PRKCH: variants seen among roughly 807,000 people sequenced by gnomAD.
PRKCH encodes the protein protein kinase C eta, also known as protein kinase C eta type.
Under a neutral mutation model 82.5 loss-of-function variants are expected in PRKCH, and 28 were observed. That is an observed-to-expected ratio of 0.34 (90% CI 0.25 to 0.47). The LOEUF is 0.47. Ranked by LOEUF, PRKCH falls within the 20% of genes least tolerant of loss-of-function variation. The pLI is 1.00. For missense variants in PRKCH, 705 were observed against 881.8 expected, an observed-to-expected ratio of 0.80 and a Z score of 2.54; for synonymous variants, 322 against 327.4, an observed-to-expected ratio of 0.98 and a Z score of 0.18.
At chr14:61,528,183 A>ACACACACACAG (rs1566929563) in intron 10 of PRKCH, 1 of 38,604 alleles carries the variant, frequency 2.6e-5, no homozygotes, top group Non-Finnish European at 7.8e-5. Flanking sequence ...CACACACACA[A>ACACACACACAG]AGTATTTCTT....
intron 1 of PRKCH, among the ~76,000 whole-genome samples, chr14:61,381,259 G>T (rs940086917): frequency 6.6e-6 from 1 of 152,132 alleles, no homozygotes; most frequent in African/African-American, 2.4e-5. Flanking sequence ...CCTCACATAG[G>T]ATCCGGATTG....
chr14:61,428,080 C>G (rs12888209), intron 2 of PRKCH, among the ~76,000 whole-genome samples: 3 of 53,898 alleles, frequency 5.6e-5, no homozygotes, highest in Non-Finnish European at 1.2e-4. Context: ...GATAGATACA[C>G]ACACACACAC....
At chr14:61,283,970 T>G (rs1305915817) in intron 1 of PRKCH, among the ~76,000 whole-genome samples, 1 of 152,184 alleles carries the variant, frequency 6.6e-6, no homozygotes, top group African/African-American at 2.4e-5. Context: ...AAAGGCTTCT[T>G]TTTTAGATGT....
At chr14:61,287,078 C>T (rs1245438653) in intron 1 of PRKCH, among the ~76,000 whole-genome samples, 2 of 150,798 alleles carry the variant, frequency 1.3e-5, no homozygotes, top group Non-Finnish European at 3.0e-5. Flanking sequence ...TGGTGGCATG[C>T]ACCTGTGATC....
intron 2 of PRKCH, among the ~76,000 whole-genome samples, chr14:61,424,737 T>C (rs546237968): frequency 6.6e-6 from 1 of 152,136 alleles, no homozygotes; most frequent in South Asian, 2.1e-4. Flanking sequence ...ACCAAGACAA[T>C]GGGGAAAATG....
intron 11 of PRKCH, 35 bp downstream of exon 11, chr14:61,529,248 GAGCTCTCC>G: frequency 6.3e-7 from 1 of 1,579,744 alleles, no homozygotes; most frequent in Middle Eastern, 1.7e-4. Context: ...TCTGAAATCT[GAGCTCTCC>G]AGTAACTCTG....
intron 9 of PRKCH, among the ~76,000 whole-genome samples, chr14:61,472,097 G>A (rs1391475751): frequency 2.6e-5 from 4 of 152,174 alleles, no homozygotes; most frequent in Non-Finnish European, 4.4e-5. Context: ...GGGAGACAGC[G>A]GAAGCGTGCA....
At chr14:61,424,792 C>T (rs957684328) in intron 2 of PRKCH, among the ~76,000 whole-genome samples, 3 of 152,248 alleles carry the variant, frequency 2.0e-5, no homozygotes, top group African/African-American at 7.2e-5. Context: ...CCTCCCATTA[C>T]AGGCCCCGAG....
chr14:61,434,686 A>G (rs1430315627), intron 2 of PRKCH, among the ~76,000 whole-genome samples: 3 of 152,140 alleles, frequency 2.0e-5, no homozygotes, highest in Non-Finnish European at 4.4e-5. Flanking sequence ...ACTATTGTAA[A>G]CATTTTCTAC....
At chr14:61,530,893 T>C (rs78651695) in intron 12 of PRKCH, among the ~76,000 whole-genome samples, 1,644 of 152,334 alleles carry the variant, frequency 0.011, 31 homozygotes, top group African/African-American at 0.038. Flanking sequence ...GGGCAGGTGA[T>C]GTTTCCCCTT....
rs79607151 is a variant in PRKCH at position 61,535,455 on chromosome 14, A to T, written c.1761+4860A>T. 2.5e-3 allele frequency among the ~76,000 whole-genome samples: 378 copies of T among 152,374 alleles called. 1 individual carries two copies. Among genetic ancestry groups the T allele is most frequent in the Non-Finnish European group, 4.6e-3 (310 of 68,036 alleles). ...GGCCATCTGGAGGAGATGACATTTA[A>T]TAAAGGCTGAAGAGAAATGAGGCTT... On this transcript the variant is annotated intron_variant, in intron 12 of 13. Coordinates refer to ENST00000332981, the MANE Select transcript of PRKCH (RefSeq NM_006255.5).
At chr14:61,285,895 ATCTTC>A (rs1284485646) in intron 1 of PRKCH, among the ~76,000 whole-genome samples, 1 of 152,214 alleles carries the variant, frequency 6.6e-6, no homozygotes, top group Admixed American at 6.5e-5. Context: ...ATTGTTGCAG[ATCTTC>A]TCTTAACACC....
At position 61,321,942 on chromosome 14, in the gene PRKCH, G is replaced by T; in HGVS notation, c.-160G>T. On this transcript the variant is annotated 5_prime_UTR_variant, in exon 1 of 14. Transcript: ENST00000332981. The surrounding 1 kb of genome is among the most constrained non-coding windows in gnomAD (Gnocchi z 4.1). ...GAAGGAGGGGAGGGAAAAGTCCCACGGAGGAGGCAGAATGGCCAGTCGAGG... is the reference window on the plus strand; with the variant it reads ...GAAGGAGGGGAGGGAAAAGTCCCACTGAGGAGGCAGAATGGCCAGTCGAGG... The T allele has an allele frequency of 1.4e-6, 1 of 701,352 alleles. No individual in the cohort carries two copies. The highest frequency in any genetic ancestry group is 2.3e-6 in the Non-Finnish European group (1 of 439,812). 43.4% of individuals were successfully genotyped at this position (701,352 alleles called of 1,614,324 possible). A position where few individuals can be genotyped will look rare whatever the true frequency, so the allele number is the denominator to read the frequency against.
intron 2 of PRKCH, among the ~76,000 whole-genome samples, chr14:61,425,791 T>G (rs558913500): frequency 6.6e-6 from 1 of 152,366 alleles, no homozygotes; most frequent in East Asian, 1.9e-4. Flanking sequence ...AAACCTCATC[T>G]TGAATTCTAA....
chr14:61,433,043 C>CAAAAAAAAA lies in PRKCH; in HGVS notation c.428-10058_428-10050dup, dbSNP rs34477992. On this transcript the variant is annotated intron_variant, in intron 2 of 13. Coordinates refer to ENST00000332981, the MANE Select transcript of PRKCH (RefSeq NM_006255.5). ...CCCTCCCCTCACCCCCCAACCTCTT[C>CAAAAAAAAA]AAAAAAAAAAAAAAAAAACTATCAA... Among the ~76,000 whole-genome samples, 142 of 110,952 alleles carry CAAAAAAAAA rather than the reference C, an allele frequency of 1.3e-3. 2 individuals carry two copies. Among genetic ancestry groups the CAAAAAAAAA allele is most frequent in the East Asian group, 3.4e-3 (13 of 3,840 alleles). 72.8% of individuals were successfully genotyped at this position (110,952 alleles called of 152,430 possible).
chr14:61,327,130 A>G (rs1162933752), intron 1 of PRKCH: 3 of 455,970 alleles, frequency 6.6e-6, no homozygotes, highest in Non-Finnish European at 1.3e-5. Flanking sequence ...TCCCGAAGAC[A>G]TTGTGTTCTC....
At chr14:61,308,831 G>A (rs2045501159) in intron 1 of PRKCH, among the ~76,000 whole-genome samples, 1 of 151,832 alleles carries the variant, frequency 6.6e-6, no homozygotes, top group African/African-American at 2.4e-5. Flanking sequence ...GTCTCACTAT[G>A]TTGCCCAGAC....
Position 61,321,738 on chromosome 14 carries a change from G to C in PRKCH, c.-364G>C, listed in dbSNP as rs574082304. ...GCGGGGGAAGAGACGCTTGGGGCTG[G>C]GGCTCACCGGACGGGTAGGTCCGGC... is the stretch of plus-strand genomic sequence containing the variant. On this transcript the variant is annotated 5_prime_UTR_variant, in exon 1 of 14. Coordinates refer to ENST00000332981, the MANE Select transcript of PRKCH (RefSeq NM_006255.5). This position sits in a 1 kb window ranked among gnomAD's most constrained non-coding sequence, Gnocchi z 4.1. 5.7e-6 allele frequency: 1 copy of C among 176,096 alleles called. No homozygotes were observed. The highest frequency in any genetic ancestry group is 2.4e-5 in the African/African-American group (1 of 42,096). The allele number at this position is 176,096 out of a possible 1,614,324, so 10.9% of individuals were successfully genotyped here. A position where few individuals can be genotyped will look rare whatever the true frequency, so the allele number is the denominator to read the frequency against.
At chr14:61,473,544 G>A (rs1885597284) in intron 9 of PRKCH, among the ~76,000 whole-genome samples, 1 of 152,158 alleles carries the variant, frequency 6.6e-6, no homozygotes, top group Non-Finnish European at 1.5e-5. Flanking sequence ...GAATGGCCAG[G>A]GCTCTGGCCA....
Sources: gnomAD v4.1 joint callset for allele counts (sites outside exome capture counted in the v4.1 genomes callset) on GRCh38, gnomAD v4.1.1 for gene constraint, Gnocchi (gnomAD v3.1) non-coding constraint, MANE v1.5 for transcripts, NCBI Gene and HGNC (gene_info 2026-07-23, HGNC 2026-07-21) for gene names.